The following CDH13 variants were observed in gnomAD, a reference collection of about 807,000 sequenced individuals.
CDH13 encodes cadherin-13.
In CDH13, 24 loss-of-function variants were observed where a neutral mutation model predicts 63.8. The observed-to-expected ratio is 0.38, with a 90% CI of 0.27 to 0.53. The LOEUF is 0.53. CDH13 is among the 20% of genes least tolerant of loss of function. CDH13 has a pLI of 0.85. For synonymous variants in CDH13, 503 were observed against 355.3 expected (o/e 1.42, Z -4.67); for missense variants, 1,049 against 903.1 (o/e 1.16, Z -2.07).
intron 1 of CDH13, among the ~76,000 whole-genome samples, chr16:82,647,278 A>G (rs746731427): frequency 2.0e-5 from 3 of 152,212 alleles, no homozygotes; most frequent in Non-Finnish European, 4.4e-5. Flanking sequence ...GGATGTGTTT[A>G]CGTACATGAG....
At chr16:83,530,090 AC>A (rs1174901308) in intron 7 of CDH13, among the ~76,000 whole-genome samples, 1 of 152,070 alleles carries the variant, frequency 6.6e-6, no homozygotes, top group East Asian at 1.9e-4. Flanking sequence ...TTCCTTCTAA[AC>A]CCATGGCTCT....
intron 10 of CDH13, among the ~76,000 whole-genome samples, chr16:83,695,496 G>A (rs376509425): frequency 3.9e-4 from 60 of 152,310 alleles, no homozygotes; most frequent in African/African-American, 1.3e-3. Flanking sequence ...TGGACTAGGC[G>A]AAAGCAGGTG....
At chr16:83,089,838 C>G (rs767323844) in intron 3 of CDH13, among the ~76,000 whole-genome samples, 5 of 152,124 alleles carry the variant, frequency 3.3e-5, no homozygotes, top group Non-Finnish European at 7.3e-5. Context: ...TACAGATTAC[C>G]TGAGGATCTT....
In CDH13 at chr16:83,679,291, C is replaced by T. The variant is rs546717954; in HGVS notation, c.1538+830C>T. 7.2e-5 allele frequency among the ~76,000 whole-genome samples: 11 copies of T among 152,254 alleles called. No homozygotes were observed. The East Asian group carries it at 2.1e-3, about 29-fold the overall frequency. ...ATAAACTTAAATCAGCGTGCAGATCCAAATGCACGCCTGTCTCTGCAGAAG... is the reference window on the plus strand; with the variant it reads ...ATAAACTTAAATCAGCGTGCAGATCTAAATGCACGCCTGTCTCTGCAGAAG... On this transcript the variant is annotated intron_variant, in intron 10 of 13. Coordinates refer to ENST00000567109, the MANE Select transcript of CDH13 (RefSeq NM_001257.5).
intron 3 of CDH13, among the ~76,000 whole-genome samples, chr16:83,116,706 A>G (rs1470855585): frequency 6.6e-6 from 1 of 152,250 alleles, no homozygotes; most frequent in African/African-American, 2.4e-5. Flanking sequence ...TGAGGATTGC[A>G]CAACTCTGTA....
chr16:83,487,602 C>G (rs554669380), intron 7 of CDH13, among the ~76,000 whole-genome samples: 11 of 152,134 alleles, frequency 7.2e-5, no homozygotes, highest in Non-Finnish European at 1.6e-4. Context: ...ATCCTTAAAC[C>G]AACTCGTGGA....
At chr16:83,677,246 A>T (rs891476230) in intron 9 of CDH13, among the ~76,000 whole-genome samples, 3 of 151,800 alleles carry the variant, frequency 2.0e-5, no homozygotes. Context: ...TGTATTACCA[A>T]TGTTTATCAT....
At chr16:83,051,581 A>G (rs1171958730) in intron 3 of CDH13, among the ~76,000 whole-genome samples, 1 of 152,208 alleles carries the variant, frequency 6.6e-6, no homozygotes, top group East Asian at 1.9e-4. Context: ...AAATTCCATA[A>G]TTTACAATGA....
chr16:82,794,421 TG>T (rs1205090569), intron 1 of CDH13, among the ~76,000 whole-genome samples: 1 of 151,428 alleles, frequency 6.6e-6, no homozygotes, highest in African/African-American at 2.4e-5. Context: ...TCTTTTCTTT[TG>T]TTTTTTTTCT....
At chr16:82,967,665 C>A (rs567607554) in intron 2 of CDH13, among the ~76,000 whole-genome samples, 1 of 152,158 alleles carries the variant, frequency 6.6e-6, no homozygotes, top group Non-Finnish European at 1.5e-5. Flanking sequence ...AGAGACCCCC[C>A]CAGCCTGCTT....
intron 6 of CDH13, among the ~76,000 whole-genome samples, chr16:83,472,498 G>A (rs1385806361): frequency 6.6e-6 from 1 of 152,200 alleles, no homozygotes; most frequent in African/African-American, 2.4e-5. Flanking sequence ...TGTAGCAGAG[G>A]CAGTGGAGTC....
At chr16:83,621,220 G>A (rs958621382) in intron 8 of CDH13, among the ~76,000 whole-genome samples, 1 of 152,272 alleles carries the variant, frequency 6.6e-6, no homozygotes, top group Non-Finnish European at 1.5e-5. Flanking sequence ...TGCCAGTAGA[G>A]CCCACTATTC....
At chr16:83,486,737 G>T in intron 7 of CDH13, 82 bp downstream of exon 7, 1 of 1,362,922 alleles carries the variant, frequency 7.3e-7, no homozygotes, top group Non-Finnish European at 1.0e-6. Flanking sequence ...GCTCCAGTCA[G>T]TGGTTTTTTT....
intron 6 of CDH13, among the ~76,000 whole-genome samples, chr16:83,420,431 T>C (rs2071682150): frequency 6.6e-6 from 1 of 152,178 alleles, no homozygotes; most frequent in South Asian, 2.1e-4. Flanking sequence ...CCTAGAAAGC[T>C]TTTATTCCCA....
intron 5 of CDH13, among the ~76,000 whole-genome samples, chr16:83,262,289 C>A (rs992945964): frequency 6.6e-6 from 1 of 152,130 alleles, no homozygotes; most frequent in African/African-American, 2.4e-5. Flanking sequence ...CTGATTTGCC[C>A]ATGGGGGGAG....
intron 2 of CDH13, among the ~76,000 whole-genome samples, chr16:82,938,686 G>T (rs943839207): frequency 1.3e-5 from 2 of 152,152 alleles, no homozygotes; most frequent in African/African-American, 4.8e-5. Context: ...TTTAAAAGGT[G>T]CAGGAAGCAT....
At chr16:83,375,108 C>T (rs965150327) in intron 6 of CDH13, among the ~76,000 whole-genome samples, 5 of 152,182 alleles carry the variant, frequency 3.3e-5, no homozygotes, top group African/African-American at 1.2e-4. Context: ...TCAGAGCATT[C>T]GGTATATTCC....
At chr16:83,503,569 G>T (rs2074332129) in intron 7 of CDH13, among the ~76,000 whole-genome samples, 1 of 152,130 alleles carries the variant, frequency 6.6e-6, no homozygotes, top group Admixed American at 6.5e-5. Flanking sequence ...CTGGGGTGGA[G>T]TGGAGGAAAA....
At chr16:82,855,667 G>A (rs1597810067) in intron 1 of CDH13, among the ~76,000 whole-genome samples, 1 of 152,272 alleles carries the variant, frequency 6.6e-6, no homozygotes. Context: ...CTCAAGACAA[G>A]GGAATCCATG....
Sources: gnomAD v4.1 joint callset for allele counts (sites outside exome capture counted in the v4.1 genomes callset) on GRCh38, gnomAD v4.1.1 for gene constraint, MANE v1.5 for transcripts, NCBI Gene and HGNC (gene_info 2026-07-23, HGNC 2026-07-21) for gene names.